Variants in RASGEF1C observed in about 807,000 individuals in gnomAD.
RASGEF1C encodes the protein RasGEF domain family member 1C.
RASGEF1C carries 27 observed loss-of-function variants against 58.1 expected under a neutral mutation model. The ratio of observed to expected loss-of-function variants is 0.46; its 90% CI spans 0.34 to 0.64. The LOEUF is 0.64. Ranked by LOEUF, RASGEF1C falls within the 30% of genes least tolerant of loss-of-function variation. The pLI, the probability that RASGEF1C is intolerant of heterozygous loss-of-function variation, is 0.01. For synonymous variants in RASGEF1C, 243 were observed against 246.3 expected (o/e 0.99, Z 0.13); for missense variants, 502 against 605.1 (o/e 0.83, Z 1.79).
At chr5:180,189,806 T>C (rs10074466) in intron 1 of RASGEF1C, among the ~76,000 whole-genome samples, 123,518 of 151,260 alleles carry the variant, frequency 0.82, 50,986 homozygotes, top group Non-Finnish European at 0.88. Context: ...GCCTGTAATC[T>C]CAGCTACTTG....
At chr5:180,132,692 C>T (rs1216315383) in intron 4 of RASGEF1C, among the ~76,000 whole-genome samples, 1 of 152,158 alleles carries the variant, frequency 6.6e-6, no homozygotes, top group Non-Finnish European at 1.5e-5. Flanking sequence ...AAGACCAGGC[C>T]GGGCGCGGTG....
At chr5:180,108,192 TTTTC>T (rs202061405) in intron 12 of RASGEF1C, among the ~76,000 whole-genome samples, 10,229 of 150,062 alleles carry the variant, frequency 0.068, 880 homozygotes, top group African/African-American at 0.21. Context: ...TTTCAGTCTA[TTTTC>T]TTTCTTTCTT....
intron 1 of RASGEF1C, among the ~76,000 whole-genome samples, chr5:180,167,739 C>G (rs1192988406): frequency 6.6e-6 from 1 of 152,200 alleles, no homozygotes; most frequent in Admixed American, 6.5e-5. Flanking sequence ...ATTATCTTTT[C>G]CTGTGCAGGT....
At chr5:180,207,851 C>T (rs898054909) in intron 1 of RASGEF1C, among the ~76,000 whole-genome samples, 1 of 152,110 alleles carries the variant, frequency 6.6e-6, no homozygotes, top group Non-Finnish European at 1.5e-5. Context: ...GACAGCCTCC[C>T]TGACCAGACG....
In RASGEF1C at chr5:180,163,254, C is replaced by CTTTTTTTTTTTTTTTTTTTTTTTTTTTT. The variant is rs1187829324; in HGVS notation, c.-6-25197_-6-25196insAAAAAAAAAAAAAAAAAAAAAAAAAAAA. 5.6e-5 allele frequency among the ~76,000 whole-genome samples: 4 copies of CTTTTTTTTTTTTTTTTTTTTTTTTTTTT among 71,054 alleles called. 2 individuals are homozygous for CTTTTTTTTTTTTTTTTTTTTTTTTTTTT. The highest frequency in any genetic ancestry group is 1.3e-4 in the African/African-American group (2 of 15,976). 46.6% of individuals were successfully genotyped at this position (71,054 alleles called of 152,430 possible). On this transcript the variant is annotated intron_variant, in intron 1 of 13. Transcript: ENST00000361132. ...CACTTTTTTTTTTTTTTTTTTTTTC[C>CTTTTTTTTTTTTTTTTTTTTTTTTTTTT]AGCCTATTGCACTGGCTAGGACTTC...
chr5:180,164,638 C>G (rs1350221361), intron 1 of RASGEF1C, among the ~76,000 whole-genome samples: 1 of 152,108 alleles, frequency 6.6e-6, no homozygotes, highest in Non-Finnish European at 1.5e-5. Context: ...TAATCTAATT[C>G]CATTTTGGTC....
intron 1 of RASGEF1C, among the ~76,000 whole-genome samples, chr5:180,188,459 C>T (rs1756080389): frequency 6.6e-6 from 1 of 152,182 alleles, no homozygotes; most frequent in Non-Finnish European, 1.5e-5. Context: ...GGAAAAACCA[C>T]ATAATCATCT....
At position 180,137,501 on chromosome 5, in the gene RASGEF1C, C is replaced by T; in HGVS notation, c.300+89G>A. On this transcript the variant is annotated intron_variant, in intron 3 of 13. Transcript: ENST00000361132. This position sits in a 1 kb window ranked among gnomAD's most constrained non-coding sequence, Gnocchi z 4.1. ...ACCTTGTCAGGAAAACGGGGACAATCATTGCCTCCCCGAGAGGCTGATGCG... is the reference window on the plus strand; with the variant it reads ...ACCTTGTCAGGAAAACGGGGACAATTATTGCCTCCCCGAGAGGCTGATGCG... The T allele has an allele frequency of 6.6e-7, 1 of 1,519,666 alleles. No individual in the cohort carries two copies. The highest frequency in any genetic ancestry group is 8.9e-7 in the Non-Finnish European group (1 of 1,125,386). 94.1% of individuals were successfully genotyped at this position (1,519,666 alleles called of 1,614,324 possible). A position where few individuals can be genotyped will look rare whatever the true frequency, so the allele number is the denominator to read the frequency against.
Position 180,190,428 on chromosome 5 carries a change from T to G in RASGEF1C, c.-7+18600A>C, listed in dbSNP as rs536117070. ...TGGCGTGAACCTGGGAGGCGGAGCT[T>G]GCAGTGAGCTGAGATCGCGCCACTG... On this transcript the variant is annotated intron_variant, in intron 1 of 13. Transcript: ENST00000361132. Among the ~76,000 whole-genome samples, 479 of 133,218 alleles carry G rather than the reference T, an allele frequency of 3.6e-3. 5 individuals are homozygous for G. The highest frequency in any genetic ancestry group is 0.012 in the African/African-American group (461 of 38,028). The allele number at this position is 133,218 out of a possible 152,430, so 87.4% of individuals were successfully genotyped here.
At position 180,135,233 on chromosome 5, in the gene RASGEF1C, AACTTGCCTGCTCAGTTCTGAGTC is replaced by A. The variant is rs1766451924; in HGVS notation, c.438+1122_438+1144del. ...CCACTCTCACCTCACTGAGCCTCAG[AACTTGCCTGCTCAGTTCTGAGTC>A]ACTTGCCTGCTGTGTGAAGTGACCC... On this transcript the variant is annotated intron_variant, in intron 4 of 13. Coordinates refer to ENST00000361132, the MANE Select transcript of RASGEF1C (RefSeq NM_175062.4). 5.9e-5 allele frequency: 9 copies of A among 152,346 alleles called. 1 individual carries two copies. The highest frequency in any genetic ancestry group is 3.4e-3 in the Middle Eastern group (1 of 296). 9.4% of individuals were successfully genotyped at this position (152,346 alleles called of 1,614,324 possible). A position where few individuals can be genotyped will look rare whatever the true frequency, so the allele number is the denominator to read the frequency against.
At chr5:180,171,428 G>A (rs1561749956) in intron 1 of RASGEF1C, among the ~76,000 whole-genome samples, 1 of 152,120 alleles carries the variant, frequency 6.6e-6, no homozygotes, top group Non-Finnish European at 1.5e-5. Flanking sequence ...CCCATGAGAA[G>A]ATGGGAGACC....
intron 10 of RASGEF1C, among the ~76,000 whole-genome samples, chr5:180,115,854 CG>C (rs1011167915): frequency 6.6e-6 from 1 of 150,662 alleles, no homozygotes; most frequent in Non-Finnish European, 1.5e-5. Flanking sequence ...CTCACTGTGC[CG>C]GGATCAGTGG....
At chr5:180,108,325 C>T (rs1015712153) in intron 12 of RASGEF1C, among the ~76,000 whole-genome samples, 39 of 152,014 alleles carry the variant, frequency 2.6e-4, no homozygotes, top group African/African-American at 8.7e-4. Context: ...CCTCAGCCTC[C>T]CAAGTAGTTG....
At chr5:180,184,708 G>A in intron 1 of RASGEF1C, among the ~76,000 whole-genome samples, 1 of 152,292 alleles carries the variant, frequency 6.6e-6, no homozygotes, top group East Asian at 1.9e-4. Flanking sequence ...GATTAAAAGT[G>A]AAAGTATGTA....
At chr5:180,160,001 C>T (rs2113299947) in intron 1 of RASGEF1C, among the ~76,000 whole-genome samples, 1 of 152,248 alleles carries the variant, frequency 6.6e-6, no homozygotes, top group East Asian at 1.9e-4. Flanking sequence ...CGAAGTTAGC[C>T]CTGCTTGTAG....
chr5:180,124,607 T>C (rs981075387), intron 6 of RASGEF1C, among the ~76,000 whole-genome samples: 2 of 151,980 alleles, frequency 1.3e-5, no homozygotes, highest in Non-Finnish European at 2.9e-5. Flanking sequence ...GGTGGATCAC[T>C]TGAGGTCGGG....
intron 1 of RASGEF1C, among the ~76,000 whole-genome samples, chr5:180,178,147 T>G (rs1221469366): frequency 6.6e-6 from 1 of 150,416 alleles, no homozygotes; most frequent in Non-Finnish European, 1.5e-5. Flanking sequence ...TTTTTTTTTT[T>G]TTGTATTTTT....
At chr5:180,185,960 T>C (rs934163809) in intron 1 of RASGEF1C, among the ~76,000 whole-genome samples, 3 of 152,020 alleles carry the variant, frequency 2.0e-5, no homozygotes, top group Non-Finnish European at 4.4e-5. Flanking sequence ...TAGCCAGGCA[T>C]GGTGGTGCAC....
chr5:180,126,361 C>T (rs866112112), intron 6 of RASGEF1C, among the ~76,000 whole-genome samples: 43 of 152,114 alleles, frequency 2.8e-4, no homozygotes, highest in Middle Eastern at 3.4e-3. Context: ...GAGCGGAGAC[C>T]GCGCCCCTGC....
Sources: gnomAD v4.1 joint callset for allele counts (sites outside exome capture counted in the v4.1 genomes callset) on GRCh38, gnomAD v4.1.1 for gene constraint, Gnocchi (gnomAD v3.1) non-coding constraint, MANE v1.5 for transcripts, NCBI Gene and HGNC (gene_info 2026-07-23, HGNC 2026-07-21) for gene names.